The following DACH2 variants were observed in gnomAD, a reference collection of about 807,000 sequenced individuals.
DACH2 encodes dachshund homolog 2.
A neutral mutation model predicts 35.8 loss-of-function variants in DACH2; 17 were observed. The ratio of observed to expected loss-of-function variants is 0.48; its 90% CI spans 0.33 to 0.71. DACH2 has a LOEUF of 0.71. Ranked by LOEUF, DACH2 falls within the 30% of genes least tolerant of loss-of-function variation. The probability of loss-of-function intolerance (pLI) is 0.02; values close to 1 mark genes in which losing one functional copy is unlikely to be tolerated. For missense variants in DACH2, 469 were observed against 472.7 expected (o/e 0.99, Z 0.07); for synonymous variants, 195 against 177.3 (o/e 1.10, Z -0.79).
At chrX:86,734,532 A>G (rs2041574461) in intron 6 of DACH2, among the ~76,000 whole-genome samples, 1 of 111,379 alleles carries the variant, frequency 9.0e-6, no homozygotes, top group Non-Finnish European at 1.9e-5. Context: ...GCTAAATTGC[A>G]TAATTTTTCC....
intron 2 of DACH2, among the ~76,000 whole-genome samples, chrX:86,386,845 T>C (rs368502398): frequency 9.0e-6 from 1 of 111,135 alleles, no homozygotes; most frequent in Non-Finnish European, 1.9e-5. Context: ...AGGAGAATTT[T>C]TGATCTGCTC....
chrX:86,273,902 C>T (rs1296553519), intron 1 of DACH2, among the ~76,000 whole-genome samples: 1 of 112,243 alleles, frequency 8.9e-6, no homozygotes, highest in Non-Finnish European at 1.9e-5. Context: ...TTTATTTGAA[C>T]GTTCAGAGTA....
chrX:86,318,029 G>T (rs1170874412), intron 1 of DACH2, among the ~76,000 whole-genome samples: 2 of 111,818 alleles, frequency 1.8e-5, no homozygotes. Context: ...ATTGTGTCCT[G>T]TTGCAAAACG....
At chrX:86,474,398 G>A (rs755726729) in intron 2 of DACH2, among the ~76,000 whole-genome samples, 2 of 111,527 alleles carry the variant, frequency 1.8e-5, no homozygotes, top group Non-Finnish European at 3.8e-5. Context: ...ACTTTGGTTG[G>A]CTGTGTTTGT....
chrX:86,488,314 C>T (rs1007245144), intron 2 of DACH2, among the ~76,000 whole-genome samples: 12 of 111,425 alleles, frequency 1.1e-4, no homozygotes, highest in African/African-American at 3.9e-4. Context: ...ATAGGCAAGT[C>T]GTTTTACCCC....
intron 2 of DACH2, among the ~76,000 whole-genome samples, chrX:86,473,308 G>A (rs1485860882): frequency 1.8e-5 from 2 of 111,115 alleles, no homozygotes; most frequent in East Asian, 5.7e-4. Flanking sequence ...TGTGAAATAA[G>A]CACATCATGT....
At chrX:86,269,456 A>G (rs1314314438) in intron 1 of DACH2, among the ~76,000 whole-genome samples, 1 of 112,024 alleles carries the variant, frequency 8.9e-6, no homozygotes, top group Non-Finnish European at 1.9e-5. Context: ...TTGGCCTACT[A>G]ACATATTTGG....
chrX:86,152,102 C>T (rs1044950618), intron 1 of DACH2, among the ~76,000 whole-genome samples: 1 of 111,927 alleles, frequency 8.9e-6, no homozygotes. Flanking sequence ...CTCTTAAACA[C>T]TATTCTTATT....
At chrX:86,803,655 A>C (rs1341457457) in intron 7 of DACH2, among the ~76,000 whole-genome samples, 3 of 111,061 alleles carry the variant, frequency 2.7e-5, no homozygotes, top group African/African-American at 9.8e-5. Flanking sequence ...ATAGATAGAC[A>C]CATGATGGTG....
chrX:86,632,726 A>G (rs1233329951), intron 3 of DACH2, among the ~76,000 whole-genome samples: 1 of 111,100 alleles, frequency 9.0e-6, no homozygotes, highest in Non-Finnish European at 1.9e-5. Context: ...ATTGTTTAAA[A>G]TTGAAATCAT....
chrX:86,508,202 C>A, intron 2 of DACH2, among the ~76,000 whole-genome samples: 1 of 111,646 alleles, frequency 9.0e-6, no homozygotes, highest in Admixed American at 9.5e-5. Flanking sequence ...AACATTGTGT[C>A]TGACAGTGAT....
chrX:86,512,980 T>G (rs2038416168), intron 2 of DACH2: 1 of 323,578 alleles, frequency 3.1e-6, no homozygotes, highest in African/African-American at 2.6e-5. Flanking sequence ...AAACAGAATC[T>G]TTTGCGCTAG....
chrX:86,454,730 C>A (rs7877711), intron 2 of DACH2, among the ~76,000 whole-genome samples: 1 of 111,667 alleles, frequency 9.0e-6, no homozygotes, highest in Non-Finnish European at 1.9e-5. Context: ...TCCTTTAGCG[C>A]GGTGAAGTTT....
At chrX:86,758,787 A>T (rs2041852979) in intron 7 of DACH2, among the ~76,000 whole-genome samples, 1 of 112,066 alleles carries the variant, frequency 8.9e-6, no homozygotes, top group Non-Finnish European at 1.9e-5. Context: ...AATTTTTGTG[A>T]GTACATAGTA....
chrX:86,401,593 T>C (rs1383385778), intron 2 of DACH2, among the ~76,000 whole-genome samples: 1 of 111,233 alleles, frequency 9.0e-6, no homozygotes, highest in Non-Finnish European at 1.9e-5. Flanking sequence ...TCTTGGCTTT[T>C]GCATAAATAG....
intron 1 of DACH2, among the ~76,000 whole-genome samples, chrX:86,333,414 C>G (rs1036043003): frequency 2.7e-5 from 3 of 111,475 alleles, no homozygotes; most frequent in African/African-American, 9.8e-5. Flanking sequence ...TCCAGTAAGT[C>G]TATGGGAAGG....
intron 2 of DACH2, among the ~76,000 whole-genome samples, chrX:86,446,180 G>T (rs1363271674): frequency 9.2e-6 from 1 of 108,966 alleles, no homozygotes; most frequent in Non-Finnish European, 1.9e-5. Context: ...CTCTCTTTTG[G>T]TTTCTTTTTG....
At chrX:86,492,320 A>C (rs2038105129) in intron 2 of DACH2, among the ~76,000 whole-genome samples, 1 of 111,919 alleles carries the variant, frequency 8.9e-6, no homozygotes, top group South Asian at 3.7e-4. Flanking sequence ...ATCTCCTAGC[A>C]GCTATGGATG....
chrX:86,266,141 G>T (rs2033709081), intron 1 of DACH2, among the ~76,000 whole-genome samples: 1 of 111,068 alleles, frequency 9.0e-6, no homozygotes, highest in African/African-American at 3.3e-5. Flanking sequence ...CCCCTCAAGG[G>T]TTTGTTAAAA....
Sources: allele counts gnomAD v4.1 joint callset (sites outside exome capture counted in the v4.1 genomes callset), GRCh38; gene constraint gnomAD v4.1.1; transcripts MANE v1.5; gene names NCBI Gene and HGNC (gene_info 2026-07-23, HGNC 2026-07-21).